Variants in PLCL1 observed in about 807,000 individuals in gnomAD.
The protein encoded by PLCL1 is phospholipase C like 1 (inactive).
Under a neutral mutation model 84.4 loss-of-function variants are expected in PLCL1, and 41 were observed. The observed-to-expected ratio is 0.49, with a 90% CI of 0.38 to 0.63. PLCL1 has a LOEUF of 0.63. Among genes scored for constraint, PLCL1 ranks in the 30% least tolerant of loss-of-function variants. The pLI, the probability that PLCL1 is intolerant of heterozygous loss-of-function variation, is 0.00. For synonymous variants in PLCL1, 490 were observed against 488.3 expected (o/e 1.00, Z -0.05); for missense variants, 1,206 against 1,367.8 (o/e 0.88, Z 1.87).
chr2:197,860,276 A>T (rs1454411248), intron 1 of PLCL1, among the ~76,000 whole-genome samples: 1 of 152,108 alleles, frequency 6.6e-6, no homozygotes, highest in Non-Finnish European at 1.5e-5. Flanking sequence ...CCAGTCTACC[A>T]GTGATGGGCA....
chr2:197,819,288 C>T (rs1690760154), intron 1 of PLCL1, among the ~76,000 whole-genome samples: 1 of 152,100 alleles, frequency 6.6e-6, no homozygotes, highest in Admixed American at 6.6e-5. Context: ...ATCCACCATT[C>T]TAGCTTGCCG....
intron 5 of PLCL1, among the ~76,000 whole-genome samples, chr2:198,123,105 T>C (rs927867192): frequency 7.2e-5 from 11 of 152,090 alleles, no homozygotes; most frequent in African/African-American, 2.7e-4. Flanking sequence ...AAATCCACAC[T>C]TCATAATAAC....
At chr2:197,964,866 T>C (rs1364742015) in intron 1 of PLCL1, among the ~76,000 whole-genome samples, 2 of 152,146 alleles carry the variant, frequency 1.3e-5, no homozygotes, top group Non-Finnish European at 2.9e-5. Flanking sequence ...TCTTTTATTC[T>C]ATTGATATAT....
intron 5 of PLCL1, among the ~76,000 whole-genome samples, chr2:198,117,338 C>CTTTTTTTTTTTTTTTTTTTT (rs5837581): frequency 7.1e-6 from 1 of 140,618 alleles, no homozygotes; most frequent in Non-Finnish European, 1.5e-5. Context: ...TTTTTTTTTT[C>CTTTTTTTTTTTTTTTTTTTT]TTTTTTTTTT....
rs1692406058 is a variant in PLCL1, at chr2:198,069,216, C to A, written c.241-14542C>A. Among the ~76,000 whole-genome samples, 3 of 149,850 alleles carry A rather than the reference C, an allele frequency of 2.0e-5. No individual in the cohort carries two copies. In the South Asian group the frequency reaches 6.4e-4, roughly 32 times the overall value. The stretch of plus-strand genomic sequence containing the variant: ...CACAAGGATATGCACCAGAGCTGGG[C>A]ACGGTGGCTCATGCCTGTAATCCCA... On this transcript the variant is annotated intron_variant, in intron 1 of 5. Coordinates refer to ENST00000428675, the MANE Select transcript of PLCL1 (RefSeq NM_006226.4).
intron 1 of PLCL1, among the ~76,000 whole-genome samples, chr2:198,068,436 T>G (rs1406548164): frequency 6.6e-6 from 1 of 152,206 alleles, no homozygotes; most frequent in East Asian, 1.9e-4. Flanking sequence ...ATGTGAATAT[T>G]TTTCTTTTAT....
intron 5 of PLCL1, among the ~76,000 whole-genome samples, chr2:198,141,477 C>CAA (rs60334474): frequency 0.068 from 5,362 of 79,064 alleles, 386 homozygotes; most frequent in African/African-American, 0.2. Context: ...AGTGTAACAT[C>CAA]AAAAAAAAAA....
At chr2:198,106,815 A>G (rs1693484567) in intron 5 of PLCL1, among the ~76,000 whole-genome samples, 1 of 151,828 alleles carries the variant, frequency 6.6e-6, no homozygotes, top group Non-Finnish European at 1.5e-5. Flanking sequence ...GCTGACTCTG[A>G]TAGGACTCTC....
intron 1 of PLCL1, among the ~76,000 whole-genome samples, chr2:197,820,169 A>T (rs1164870619): frequency 6.6e-6 from 1 of 152,092 alleles, no homozygotes. Flanking sequence ...TCTAAGAAAA[A>T]GCAATGGATC....
chr2:198,023,414 T>C (rs1050456795), intron 1 of PLCL1, among the ~76,000 whole-genome samples: 1 of 152,248 alleles, frequency 6.6e-6, no homozygotes, highest in South Asian at 2.1e-4. Context: ...CTAATTAAAC[T>C]AAAGAGCTTC....
At chr2:197,879,394 A>C (rs546183044) in intron 1 of PLCL1, among the ~76,000 whole-genome samples, 2 of 152,150 alleles carry the variant, frequency 1.3e-5, no homozygotes, top group Admixed American at 1.3e-4. Flanking sequence ...CAAACATTCA[A>C]TTTCTGTTGT....
At chr2:197,917,806 CAA>C (rs1260274875) in intron 1 of PLCL1, among the ~76,000 whole-genome samples, 5 of 152,054 alleles carry the variant, frequency 3.3e-5, no homozygotes, top group African/African-American at 1.2e-4. Context: ...GAGCTTAAAA[CAA>C]AACAATAACA....
chr2:197,825,142 A>G (rs980796945), intron 1 of PLCL1, among the ~76,000 whole-genome samples: 9 of 152,164 alleles, frequency 5.9e-5, no homozygotes, highest in African/African-American at 2.2e-4. Context: ...AATGAATATA[A>G]CATTTTTCTG....
rs181640409 is a variant in PLCL1, at chr2:198,051,128, A to C, written c.241-32630A>C. On this transcript the variant is annotated intron_variant, in intron 1 of 5. Coordinates refer to ENST00000428675, the MANE Select transcript of PLCL1 (RefSeq NM_006226.4). ...CAAATTGAAGGGTCAGAGATACAAG[A>C]AAATTATAAGGAGAACAAACTCATT... Among the ~76,000 whole-genome samples the C allele has an allele frequency of 4.6e-5, 7 of 152,350 alleles. No individual in the cohort carries two copies. The East Asian group carries it at 1.3e-3, about 29-fold the overall frequency.
intron 5 of PLCL1, among the ~76,000 whole-genome samples, chr2:198,118,777 C>T (rs72914778): frequency 0.011 from 1,643 of 152,072 alleles, 12 homozygotes; most frequent in Non-Finnish European, 0.017. Flanking sequence ...TGAGTAGTGT[C>T]CTCTGGATTT....
chr2:198,121,799 AG>A (rs1225517668), intron 5 of PLCL1, among the ~76,000 whole-genome samples: 2 of 152,028 alleles, frequency 1.3e-5, no homozygotes, highest in Non-Finnish European at 2.9e-5. Context: ...GAATACAGGC[AG>A]GCTCCCATAT....
chr2:198,084,003 C>T lies in PLCL1; in HGVS notation c.486C>T (p.Ala162=). 6.2e-7 allele frequency: 1 copy of T among 1,614,118 alleles called. No individual in the cohort carries two copies. Among genetic ancestry groups the T allele is most frequent in the African/African-American group, 1.3e-5 (1 of 75,032 alleles). ...AGAAAGCCAAGCTTGATATTTCTGC[C>T]ATAAAAGAGATCAGACTGGGGAAAA... ...DLEKAKLDIS[A]IKEIRLGKNT... The change falls in exon 2 of 6, where the codon GCC becomes GCT. Residue 162 remains alanine, a synonymous_variant. Coordinates refer to ENST00000428675, the MANE Select transcript of PLCL1 (RefSeq NM_006226.4).
At chr2:198,100,710 G>A (rs1235444319) in intron 3 of PLCL1, among the ~76,000 whole-genome samples, 1 of 152,068 alleles carries the variant, frequency 6.6e-6, no homozygotes, top group Non-Finnish European at 1.5e-5. Flanking sequence ...AGAAGGACCA[G>A]AACCTACTGG....
intron 5 of PLCL1, among the ~76,000 whole-genome samples, chr2:198,138,158 A>C (rs1694302064): frequency 6.6e-6 from 1 of 152,172 alleles, no homozygotes; most frequent in African/African-American, 2.4e-5. Context: ...GTAATTTATA[A>C]AGAAAAGAGG....
Sources: allele counts gnomAD v4.1 joint callset (sites outside exome capture counted in the v4.1 genomes callset), GRCh38; gene constraint gnomAD v4.1.1; transcripts MANE v1.5; gene names NCBI Gene and HGNC (gene_info 2026-07-23, HGNC 2026-07-21).